The following SORCS3 variants were observed in gnomAD, a reference collection of about 807,000 sequenced individuals.
The protein encoded by SORCS3 is sortilin related VPS10 domain containing receptor 3.
A neutral mutation model predicts 146.3 loss-of-function variants in SORCS3; 57 were observed. The ratio of observed to expected loss-of-function variants is 0.39; its 90% confidence interval spans 0.31 to 0.49. The LOEUF (loss-of-function observed/expected upper bound fraction) is 0.49. Among genes scored for constraint, SORCS3 ranks in the 20% least tolerant of loss-of-function variants. The probability of loss-of-function intolerance (pLI) is 0.92; values close to 1 mark genes in which losing one functional copy is unlikely to be tolerated. For synonymous variants in SORCS3, 653 were observed against 618.5 expected (o/e 1.06, Z -0.83); for missense variants, 1,341 against 1,575.5 (o/e 0.85, Z 2.52).
At chr10:104,810,309 C>T (rs973549728) in intron 1 of SORCS3, among the ~76,000 whole-genome samples, 4 of 151,976 alleles carry the variant, frequency 2.6e-5, no homozygotes, top group East Asian at 1.9e-4. Context: ...TGTTAACATA[C>T]GTGTACATTT....
chr10:105,142,253 T>C (rs1465201538), intron 8 of SORCS3, among the ~76,000 whole-genome samples: 1 of 152,210 alleles, frequency 6.6e-6, no homozygotes, highest in East Asian at 1.9e-4. Flanking sequence ...AAAATGTTGA[T>C]CTTTGCCTGA....
intron 7 of SORCS3, among the ~76,000 whole-genome samples, chr10:105,119,796 C>G (rs1245412842): frequency 6.6e-6 from 1 of 152,156 alleles, no homozygotes; most frequent in African/African-American, 2.4e-5. Context: ...GCCTATACCC[C>G]CATTGTATCT....
chr10:104,801,326 G>A (rs1225130719), intron 1 of SORCS3, among the ~76,000 whole-genome samples: 1 of 152,226 alleles, frequency 6.6e-6, no homozygotes, highest in African/African-American at 2.4e-5. Flanking sequence ...CAGCGTAGGG[G>A]AGTGGGCAGG....
Position 104,930,069 on chromosome 10 carries a change from T to C in SORCS3, c.795+14137T>C, listed in dbSNP as rs984796452. Among the ~76,000 whole-genome samples the C allele has an allele frequency of 1.7e-4, 26 of 152,030 alleles. 1 individual carries two copies. Among genetic ancestry groups the C allele is most frequent in the African/African-American group, 6.0e-4 (25 of 41,464 alleles). On this transcript the variant is annotated intron_variant, in intron 3 of 26. Coordinates refer to ENST00000369701, the MANE Select transcript of SORCS3 (RefSeq NM_014978.3). Reference sequence around the variant, plus strand: ...TGTCCAGAAAATGGCAGAGAAATAATTCAATGAAATGAAGAAAACGATAAA... The same window carrying C: ...TGTCCAGAAAATGGCAGAGAAATAACTCAATGAAATGAAGAAAACGATAAA...
chr10:104,923,735 C>T (rs946547703), intron 3 of SORCS3, among the ~76,000 whole-genome samples: 2 of 152,202 alleles, frequency 1.3e-5, no homozygotes, highest in African/African-American at 4.8e-5. Context: ...GACACATCAA[C>T]CAGACATCTC....
At chr10:105,147,498 A>G (rs142841485) in intron 8 of SORCS3, 119 bp from the exon 9 acceptor site, 9 of 783,240 alleles carry the variant, frequency 1.1e-5, no homozygotes, top group Non-Finnish European at 1.8e-5. Context: ...ATTGTTTAAC[A>G]TTGCCTATAA....
intron 3 of SORCS3, among the ~76,000 whole-genome samples, chr10:104,971,658 G>T (rs1436474925): frequency 6.6e-6 from 1 of 152,128 alleles, no homozygotes. Flanking sequence ...TTTTCCCAAG[G>T]CGGTGATGAT....
intron 5 of SORCS3, among the ~76,000 whole-genome samples, chr10:105,051,462 G>T (rs2055412355): frequency 6.6e-6 from 1 of 151,990 alleles, no homozygotes; most frequent in Non-Finnish European, 1.5e-5. Context: ...TTCAAAAGTG[G>T]GCTCCTTCTA....
chr10:104,952,477 C>T (rs1167157022), intron 3 of SORCS3, among the ~76,000 whole-genome samples: 2 of 152,086 alleles, frequency 1.3e-5, no homozygotes, highest in Non-Finnish European at 2.9e-5. Context: ...GATTCATGAG[C>T]ATATTAAAGT....
intron 14 of SORCS3, among the ~76,000 whole-genome samples, chr10:105,187,415 A>G (rs1383755459): frequency 3.3e-5 from 5 of 152,094 alleles, no homozygotes; most frequent in East Asian, 1.9e-4. Context: ...CTCCTTTACC[A>G]CTAATCCCAT....
At chr10:105,217,255 A>G (rs1309977854) in intron 19 of SORCS3, 133 bp downstream of exon 19, 2 of 771,820 alleles carry the variant, frequency 2.6e-6, no homozygotes, top group Non-Finnish European at 4.2e-6. Flanking sequence ...AATGGTGGAG[A>G]TATGTACTCA....
intron 5 of SORCS3, among the ~76,000 whole-genome samples, chr10:105,055,915 G>A (rs944319496): frequency 6.6e-6 from 1 of 152,162 alleles, no homozygotes; most frequent in Non-Finnish European, 1.5e-5. Context: ...CAGATCATAT[G>A]TACTTTAGCA....
intron 16 of SORCS3, among the ~76,000 whole-genome samples, chr10:105,208,425 A>G (rs1191324078): frequency 4.6e-5 from 7 of 151,836 alleles, no homozygotes; most frequent in Admixed American, 3.9e-4. Flanking sequence ...CTGGGAACTA[A>G]CAAATTAATA....
intron 2 of SORCS3, among the ~76,000 whole-genome samples, chr10:104,855,061 T>C (rs1200898062): frequency 6.6e-6 from 1 of 152,254 alleles, no homozygotes; most frequent in Non-Finnish European, 1.5e-5. Flanking sequence ...TTCATTTTTC[T>C]GGGATAAATA....
intron 3 of SORCS3, among the ~76,000 whole-genome samples, chr10:104,944,299 G>T (rs2019348155): frequency 6.6e-6 from 1 of 152,108 alleles, no homozygotes; most frequent in Non-Finnish European, 1.5e-5. Context: ...CATGACTTCT[G>T]TATGGGCAAA....
chr10:105,061,604 T>A (rs1026910104), intron 5 of SORCS3, among the ~76,000 whole-genome samples: 16 of 148,918 alleles, frequency 1.1e-4, no homozygotes, highest in East Asian at 2.0e-4. Context: ...CCCCTTTTTT[T>A]AAATAGACCT....
At chr10:105,247,518 G>C (rs760583899) in intron 22 of SORCS3, among the ~76,000 whole-genome samples, 187 bp downstream of exon 22, 4 of 152,206 alleles carry the variant, frequency 2.6e-5, no homozygotes, top group Non-Finnish European at 5.9e-5. Flanking sequence ...GGGAGGCCAA[G>C]GCAGGCAGAT....
intron 13 of SORCS3, among the ~76,000 whole-genome samples, chr10:105,176,106 G>A (rs976168209): frequency 6.6e-6 from 1 of 151,962 alleles, no homozygotes; most frequent in African/African-American, 2.4e-5. Flanking sequence ...ATGATTGGAT[G>A]GATTTAAAGA....
chr10:104,909,512 C>T (rs552743019), intron 2 of SORCS3, among the ~76,000 whole-genome samples: 93 of 152,152 alleles, frequency 6.1e-4, no homozygotes, highest in African/African-American at 2.2e-3. Flanking sequence ...GTGAAAGATG[C>T]CAGGGTTAAT....
Sources: gnomAD v4.1 joint callset for allele counts (sites outside exome capture counted in the v4.1 genomes callset) on GRCh38, gnomAD v4.1.1 for gene constraint, MANE v1.5 for transcripts, NCBI Gene and HGNC (gene_info 2026-07-23, HGNC 2026-07-21) for gene names.